The following CGA variants were observed in gnomAD, a reference collection of about 807,000 sequenced individuals.
The protein encoded by CGA is glycoprotein hormones alpha chain.
Under a neutral mutation model 12.0 loss-of-function variants are expected in CGA, and 4 were observed. The ratio of observed to expected loss-of-function variants is 0.33; its 90% CI spans 0.16 to 0.76. The LOEUF is 0.76. Among genes scored for constraint, CGA ranks in the 30% least tolerant of loss-of-function variants. CGA has a pLI of 0.60. For missense variants in CGA, 102 were observed against 143.5 expected, an observed-to-expected ratio of 0.71 and a Z score of 1.48; for synonymous variants, 60 against 56.6, an observed-to-expected ratio of 1.06 and a Z score of -0.27.
intron 1 of CGA, among the ~76,000 whole-genome samples, chr6:87,090,524 T>C (rs1425441907): frequency 6.6e-6 from 1 of 152,162 alleles, no homozygotes; most frequent in Non-Finnish European, 1.5e-5. Context: ...TGTGTTAACA[T>C]ATGATGGATT....
chr6:87,085,945 A>T (rs1769313852), intron 3 of CGA, 112 bp from the exon 4 acceptor site: 4 of 791,676 alleles, frequency 5.1e-6, no homozygotes, highest in Middle Eastern at 2.3e-4. Flanking sequence ...AAATAAGTAG[A>T]TGCATACTAC....
At chr6:87,094,518 A>G (rs1769500607) in intron 1 of CGA, among the ~76,000 whole-genome samples, 1 of 152,232 alleles carries the variant, frequency 6.6e-6, no homozygotes, top group Admixed American at 6.5e-5. Flanking sequence ...AAGAAATTCC[A>G]TGCTACTATT....
At chr6:87,086,889 C>G (rs1221819982) in intron 2 of CGA, among the ~76,000 whole-genome samples, 1 of 152,088 alleles carries the variant, frequency 6.6e-6, no homozygotes, top group Non-Finnish European at 1.5e-5. Context: ...ACCAGCCTGG[C>G]CAACATGGTG....
intron 1 of CGA, among the ~76,000 whole-genome samples, chr6:87,088,659 T>G (rs1769374384): frequency 1.3e-5 from 2 of 152,272 alleles, no homozygotes; most frequent in Middle Eastern, 3.4e-3. Flanking sequence ...GTATTCAACA[T>G]TATCAGCCAT....
At position 87,085,872 on chromosome 6, in the gene CGA, T is replaced by TGATA. The variant is rs372445287; in HGVS notation, c.274-43_274-40dup. The TGATA allele has an allele frequency of 3.8e-3, 5,153 of 1,343,058 alleles. 14 individuals carry two copies. Among genetic ancestry groups the TGATA allele is most frequent in the Non-Finnish European group, 4.4e-3 (4,153 of 940,544 alleles). 83.2% of individuals were successfully genotyped at this position (1,343,058 alleles called of 1,614,324 possible). A position where few individuals can be genotyped will look rare whatever the true frequency, so the allele number is the denominator to read the frequency against. ...AAAAAAAAACATATTATAGATTAGATGATAGATAGATAGATAGAGACAAAA... is the reference window on the plus strand; with the variant it reads ...AAAAAAAAACATATTATAGATTAGATGATAGATAGATAGATAGATAGAGACAAAA... On this transcript the variant is annotated intron_variant, in intron 3 of 3. Coordinates refer to ENST00000627148, the MANE Select transcript of CGA (RefSeq NM_000735.4).
chr6:87,094,711 AG>A (rs879723515), intron 1 of CGA: 5 of 152,200 alleles, frequency 3.3e-5, no homozygotes, highest in Non-Finnish European at 7.4e-5. Flanking sequence ...GCCACTCAAA[AG>A]AACGTCTTTC....
Position 87,086,253 on chromosome 6 carries a change from G to C in CGA, c.270C>G (p.Asn90Lys). 1 of 1,610,858 alleles carries C rather than the reference G, an allele frequency of 6.2e-7. No homozygotes were observed. The highest frequency in any genetic ancestry group is 8.5e-7 in the Non-Finnish European group (1 of 1,178,756). Residue 90 changes from asparagine to lysine, a missense_variant, in exon 3 of 4, where the codon AAC becomes AAG. By Grantham distance (94) the Asn-to-Lys change is moderately conservative. Transcript: ENST00000627148. ...ESTCCVAKSY[N>K]RVTVMGGFKV... ...CTGGGGATCTTGAGGTTCTTACCCT[G>C]TTATATGATTTAGCTACACAGCAAG...
chr6:87,086,056 G>A, intron 3 of CGA, 194 bp downstream of exon 3: 1 of 654,892 alleles, frequency 1.5e-6, no homozygotes, highest in Non-Finnish European at 2.6e-6. Flanking sequence ...TCCTCATTCT[G>A]AATAAATCCA....
intron 1 of CGA, 90 bp downstream of exon 1, chr6:87,094,923 G>A (rs914355185): frequency 6.6e-6 from 1 of 152,094 alleles, no homozygotes; most frequent in Non-Finnish European, 1.5e-5. Flanking sequence ...TTCTTATTAA[G>A]GTATATGCAG....
intron 2 of CGA, chr6:87,086,664 T>C (rs533718809): frequency 6.7e-6 from 3 of 448,400 alleles, no homozygotes; most frequent in Non-Finnish European, 1.2e-5. Context: ...TGCACACCTG[T>C]AGTCCCAGCT....
At chr6:87,086,933 G>T (rs893886656) in intron 2 of CGA, among the ~76,000 whole-genome samples, 2 of 152,022 alleles carry the variant, frequency 1.3e-5, no homozygotes, top group African/African-American at 4.8e-5. Context: ...CAAAAATTTC[G>T]CTGGGCATGG....
rs571340390 is a variant in CGA at position 87,090,558 on chromosome 6, A to G, written c.-7-2351T>C. ...TTTTTCTAAATGAATAAATATTTTT[A>G]AACTTTAGCATAATCACTAAGCCAT... On this transcript the variant is annotated intron_variant, in intron 1 of 3. Transcript: ENST00000627148. 2.6e-5 allele frequency among the ~76,000 whole-genome samples: 4 copies of G among 152,196 alleles called. No homozygotes were observed. In the South Asian group the frequency reaches 6.2e-4, roughly 24 times the overall value.
chr6:87,091,690 C>T (rs900815105), intron 1 of CGA, among the ~76,000 whole-genome samples: 1 of 152,142 alleles, frequency 6.6e-6, no homozygotes, highest in Non-Finnish European at 1.5e-5. Context: ...TCAACTTGGC[C>T]TTCTTTCTCT....
chr6:87,088,884 T>C (rs1241061680), intron 1 of CGA: 1 of 152,214 alleles, frequency 6.6e-6, no homozygotes, highest in Non-Finnish European at 1.5e-5. Flanking sequence ...GCCCCAACAG[T>C]TGCACTTTTG....
chr6:87,086,315 T>C lies in CGA; in HGVS notation c.208A>G (p.Thr70Ala), dbSNP rs1769322434. ...AYPTPLRSKK[T>A]MLVQKNVTSE... Reference sequence around the variant, plus strand: ...GTGACGTTCTTTTGGACCAACATCGTCTTCTTGGACCTTAGTGGAGTGGGA... The same window carrying C: ...GTGACGTTCTTTTGGACCAACATCGCCTTCTTGGACCTTAGTGGAGTGGGA... Residue 70 changes from threonine to alanine, a missense_variant, in exon 3 of 4, where the codon ACG (threonine) becomes GCG (alanine). Physicochemically the swap from Thr to Ala is moderately conservative, Grantham distance 58. Coordinates refer to ENST00000627148, the MANE Select transcript of CGA (RefSeq NM_000735.4). 1 of 1,614,076 alleles carries C rather than the reference T, an allele frequency of 6.2e-7. No individual in the cohort carries two copies. Among genetic ancestry groups the C allele is most frequent in the Non-Finnish European group, 8.5e-7 (1 of 1,180,004 alleles).
At position 87,086,517 on chromosome 6, in the gene CGA, C is replaced by T. The variant is rs547310895; in HGVS notation, c.89-83G>A. 1.6e-5 allele frequency: 21 copies of T among 1,322,196 alleles called. No individual in the cohort carries two copies. In the East Asian group the frequency reaches 4.9e-4, roughly 31 times the overall value. 81.9% of individuals were successfully genotyped at this position (1,322,196 alleles called of 1,614,324 possible). ...ATGAGGCCAGCACAGTAGCTCACGC[C>T]TGTAATCCTAGCACTTTGGGAGGCC... On this transcript the variant is annotated intron_variant, in intron 2 of 3. Coordinates refer to ENST00000627148, the MANE Select transcript of CGA (RefSeq NM_000735.4).
rs768732919 is a variant in CGA at position 87,085,737 on chromosome 6, A to G, written c.*19T>C. 1 of 1,567,258 alleles carries G rather than the reference A, an allele frequency of 6.4e-7. No homozygotes were observed. Among genetic ancestry groups the G allele is most frequent in the Admixed American group, 1.7e-5 (1 of 59,756 alleles). ...TTCCAGAAAATCAGCAGTCATCAAG[A>G]CAGCACTTGGTAAAACATTTAAGAT... On this transcript the variant is annotated 3_prime_UTR_variant, in exon 4 of 4. Coordinates refer to ENST00000627148, the MANE Select transcript of CGA (RefSeq NM_000735.4).
rs1334820429 is a variant in CGA, at chr6:87,086,279, T to C, written c.244A>G (p.Thr82Ala). 2 of 1,613,760 alleles carry C rather than the reference T, an allele frequency of 1.2e-6. No homozygotes were observed. The highest frequency in any genetic ancestry group is 2.2e-5 in the South Asian group (2 of 90,996). Residue 82 changes from threonine to alanine, a missense_variant, in exon 3 of 4, where the codon ACT becomes GCT. Physicochemically the swap from Thr to Ala is moderately conservative, Grantham distance 58. Coordinates refer to ENST00000627148, the MANE Select transcript of CGA (RefSeq NM_000735.4). ...TTATATGATTTAGCTACACAGCAAGTGGACTCTGAGGTGACGTTCTTTTGG... is the reference window on the plus strand; with the variant it reads ...TTATATGATTTAGCTACACAGCAAGCGGACTCTGAGGTGACGTTCTTTTGG... ...LVQKNVTSES[T>A]CCVAKSYNRV...
chr6:87,090,131 T>G (rs1769404948), intron 1 of CGA, among the ~76,000 whole-genome samples: 1 of 152,176 alleles, frequency 6.6e-6, no homozygotes, highest in African/African-American at 2.4e-5. Flanking sequence ...TATATATATT[T>G]ATATGTAAGT....
Sources: gnomAD v4.1 joint callset for allele counts (sites outside exome capture counted in the v4.1 genomes callset) on GRCh38, gnomAD v4.1.1 for gene constraint, MANE v1.5 for transcripts, NCBI Gene and HGNC (gene_info 2026-07-23, HGNC 2026-07-21) for gene names.